ARHGAP31: variants seen among roughly 807,000 people sequenced by gnomAD.
ARHGAP31 encodes the protein rho GTPase-activating protein 31.
ARHGAP31 carries 34 observed loss-of-function variants against 113.9 expected under a neutral mutation model. That is an observed-to-expected ratio of 0.30 (90% CI 0.23 to 0.40). The LOEUF (loss-of-function observed/expected upper bound fraction) is 0.40, where lower values mean the gene tolerates loss of function less well. Ranked by LOEUF, ARHGAP31 falls within the 10% of genes least tolerant of loss-of-function variation. The pLI is 1.00. For synonymous variants in ARHGAP31, 650 were observed against 684.8 expected (o/e 0.95, Z 0.79); for missense variants, 1,548 against 1,767.1 (o/e 0.88, Z 2.22).
intron 1 of ARHGAP31, among the ~76,000 whole-genome samples, chr3:119,330,279 C>A (rs1247242021): frequency 6.6e-6 from 1 of 152,198 alleles, no homozygotes; most frequent in Non-Finnish European, 1.5e-5. Flanking sequence ...CAGAGGATGG[C>A]ATGGCTGGAT....
chr3:119,409,641 A>G lies in ARHGAP31; in HGVS notation c.1791A>G (p.Gln597=). ...KKTPESSLSS[Q]HLNELEKRPN... ...CCCCAGAAAGCTCCTTGAGCTCTCA[A>G]CATTTAAATGAATTAGAGAAGAGGC... The change falls in exon 11 of 12, where the codon CAA becomes CAG. Residue 597 remains glutamine (Q), a synonymous_variant. Coordinates refer to ENST00000264245, the MANE Select transcript of ARHGAP31 (RefSeq NM_020754.4). The G allele has an allele frequency of 6.2e-7, 1 of 1,613,420 alleles. No homozygotes were observed. Among genetic ancestry groups the G allele is most frequent in the Non-Finnish European group, 8.5e-7 (1 of 1,179,682 alleles).
At chr3:119,330,507 G>T (rs1402150491) in intron 1 of ARHGAP31, among the ~76,000 whole-genome samples, 2 of 152,292 alleles carry the variant, frequency 1.3e-5, no homozygotes, top group African/African-American at 2.4e-5. Flanking sequence ...GGGTTGTTTT[G>T]TGGTTGTTTA....
intron 1 of ARHGAP31, among the ~76,000 whole-genome samples, chr3:119,357,229 G>A (rs2080166022): frequency 6.6e-6 from 1 of 152,214 alleles, no homozygotes; most frequent in Non-Finnish European, 1.5e-5. Flanking sequence ...GCCTGAGGAA[G>A]GCTTTATAGA....
At chr3:119,336,471 G>A (rs562963739) in intron 1 of ARHGAP31, among the ~76,000 whole-genome samples, 74 of 152,156 alleles carry the variant, frequency 4.9e-4, no homozygotes, top group African/African-American at 1.7e-3. Context: ...CCCAAAATAA[G>A]GGGATGTGTC....
At chr3:119,394,871 A>G (rs2080534880) in intron 8 of ARHGAP31, among the ~76,000 whole-genome samples, 1 of 152,182 alleles carries the variant, frequency 6.6e-6, no homozygotes, top group Non-Finnish European at 1.5e-5. Flanking sequence ...ATATTAAATG[A>G]TATTAAGGAA....
intron 1 of ARHGAP31, chr3:119,324,811 C>A (rs2079827962): frequency 4.8e-6 from 2 of 419,378 alleles, no homozygotes; most frequent in Non-Finnish European, 9.6e-6. Flanking sequence ...TAGTATTGAG[C>A]ATAACTTTTA....
At chr3:119,393,373 A>T in intron 7 of ARHGAP31, 94 bp from the exon 8 acceptor site, 1 of 1,488,310 alleles carries the variant, frequency 6.7e-7, no homozygotes, top group Non-Finnish European at 9.4e-7. Context: ...GCCATTCATA[A>T]CTGAGGACAT....
intron 1 of ARHGAP31, among the ~76,000 whole-genome samples, chr3:119,326,297 A>G (rs987617454): frequency 2.6e-5 from 4 of 152,170 alleles, no homozygotes; most frequent in Admixed American, 6.5e-5. Context: ...TTTTGTGTGC[A>G]TTTTCAATCA....
chr3:119,398,995 A>G (rs971435859), intron 8 of ARHGAP31, among the ~76,000 whole-genome samples: 1 of 152,234 alleles, frequency 6.6e-6, no homozygotes, highest in Non-Finnish European at 1.5e-5. Flanking sequence ...TTGATCTATA[A>G]CTGCCCTGAG....
chr3:119,383,140 G>A lies in ARHGAP31; in HGVS notation c.596G>A (p.Arg199Gln), dbSNP rs768829713. 38 of 1,614,022 alleles carry A rather than the reference G, an allele frequency of 2.4e-5. No homozygotes were observed. Among genetic ancestry groups the A allele is most frequent in the East Asian group, 4.5e-5 (2 of 44,902 alleles). The change falls in exon 6 of 12, where the codon CGG becomes CAG. Residue 199 changes from arginine to glutamine, a missense_variant. Transcript: ENST00000264245. ...CNGDAAFLAV[R>Q]VQQVVIEFIL... Reference sequence around the variant, plus strand: ...GGAGATGCAGCCTTCCTTGCAGTCCGGGTCCAGCAGGTGGTGATTGAGTTC... The same window carrying A: ...GGAGATGCAGCCTTCCTTGCAGTCCAGGTCCAGCAGGTGGTGATTGAGTTC...
intron 1 of ARHGAP31, chr3:119,322,640 G>A (rs898558306): frequency 6.6e-6 from 1 of 152,594 alleles, no homozygotes; most frequent in Non-Finnish European, 1.5e-5. Flanking sequence ...CAGCGTCGAA[G>A]ACAAAGGAAT....
intron 1 of ARHGAP31, among the ~76,000 whole-genome samples, chr3:119,338,463 G>A (rs534700202): frequency 1.3e-5 from 2 of 152,234 alleles, no homozygotes; most frequent in South Asian, 2.1e-4. Flanking sequence ...AGAAAGAATC[G>A]AACTTAAGTC....
chr3:119,385,969 A>G (rs746192256), intron 6 of ARHGAP31, among the ~76,000 whole-genome samples: 49 of 152,252 alleles, frequency 3.2e-4, no homozygotes, highest in Middle Eastern at 6.8e-3. Flanking sequence ...CCTAATTCCA[A>G]CCTGAAAATG....
chr3:119,357,198 G>A (rs1247732117), intron 1 of ARHGAP31, among the ~76,000 whole-genome samples: 1 of 152,226 alleles, frequency 6.6e-6, no homozygotes, highest in African/African-American at 2.4e-5. Flanking sequence ...TAAGAACACG[G>A]AGGAAGGAGA....
intron 1 of ARHGAP31, among the ~76,000 whole-genome samples, chr3:119,326,849 C>T (rs187149948): frequency 1.2e-4 from 19 of 152,246 alleles, no homozygotes; most frequent in African/African-American, 4.1e-4. Context: ...GCTTAAAGCT[C>T]AATTTCTGTC....
chr3:119,415,572 C>T lies in ARHGAP31; in HGVS notation c.3643C>T (p.Pro1215Ser), dbSNP rs762075777. 3.1e-6 allele frequency: 5 copies of T among 1,614,184 alleles called. No individual in the cohort carries two copies. In the South Asian group the frequency reaches 4.4e-5, roughly 14 times the overall value. ...GATTCAGTACACCCAGATCCCACAG[C>T]CCCTGCCCTCTCAGAGCTCAGGGGA... ...PKIQYTQIPQ[P>S]LPSQSSGENG... Residue 1215 changes from proline (P) to serine (S), a missense_variant, in exon 12 of 12, where the codon CCC becomes TCC. By Grantham distance (74) the Pro-to-Ser change is moderately conservative (BLOSUM62 -1). Coordinates refer to ENST00000264245, the MANE Select transcript of ARHGAP31 (RefSeq NM_020754.4).
In ARHGAP31 at chr3:119,294,627, A is replaced by G. The variant is rs2079515645; in HGVS notation, c.-278A>G. 1.8e-6 allele frequency: 1 copy of G among 557,772 alleles called. No homozygotes were observed. Among genetic ancestry groups the G allele is most frequent in the African/African-American group, 2.0e-5 (1 of 49,674 alleles). 34.6% of individuals were successfully genotyped at this position (557,772 alleles called of 1,614,324 possible). On this transcript the variant is annotated 5_prime_UTR_variant, in exon 1 of 12. Coordinates refer to ENST00000264245, the MANE Select transcript of ARHGAP31 (RefSeq NM_020754.4). ...GCCTGTGAAAGTCCCTAGGACTCCA[A>G]GTGAGGAAGTGACACTCCCAGGCGA... is the stretch of plus-strand genomic sequence containing the variant.
intron 1 of ARHGAP31, among the ~76,000 whole-genome samples, chr3:119,357,214 G>T (rs1324351970): frequency 6.6e-6 from 1 of 152,244 alleles, no homozygotes. Context: ...GGAGAACCTA[G>T]TTCTGCCTGA....
chr3:119,327,797 A>C (rs148726979), intron 1 of ARHGAP31, among the ~76,000 whole-genome samples: 1 of 152,248 alleles, frequency 6.6e-6, no homozygotes, highest in East Asian at 1.9e-4. Flanking sequence ...GCCTAGAACA[A>C]TATTGGATAC....
Sources: allele counts gnomAD v4.1 joint callset (sites outside exome capture counted in the v4.1 genomes callset), GRCh38; gene constraint gnomAD v4.1.1; transcripts MANE v1.5; gene names NCBI Gene and HGNC (gene_info 2026-07-23, HGNC 2026-07-21).